The following GALNT16 variants were observed in gnomAD, a reference collection of about 807,000 sequenced individuals.
GALNT16 encodes UDP-GalNAc:polypeptide N-acetylgalactosaminyltransferase-like protein 1.
In GALNT16, 40 loss-of-function variants were observed where a neutral mutation model predicts 76.1. That is an observed-to-expected ratio of 0.53 (90% CI 0.41 to 0.68). GALNT16 has a LOEUF of 0.68. GALNT16 is among the 30% of genes least tolerant of loss of function. GALNT16 has a pLI of 0.00. For missense variants in GALNT16, 621 were observed against 731.9 expected (o/e 0.85, Z 1.75); for synonymous variants, 276 against 285.2 (o/e 0.97, Z 0.32).
At chr14:69,262,786 A>C (rs1330416343) in intron 1 of GALNT16, among the ~76,000 whole-genome samples, 1 of 152,082 alleles carries the variant, frequency 6.6e-6, no homozygotes, top group Non-Finnish European at 1.5e-5. Flanking sequence ...TATTTCTTCC[A>C]TGTGATTTGC....
In GALNT16 at chr14:69,352,922, C is replaced by T. The variant is rs368804510; in HGVS notation, c.*754C>T. On this transcript the variant is annotated 3_prime_UTR_variant, in exon 15 of 15. Transcript: ENST00000448469. ...CCGGTCCTGTGCCTGTGGGTGCCCA[C>T]ATTCTTAGCAAGAGGCTGCAGAGGG... Among the ~76,000 whole-genome samples the T allele has an allele frequency of 2.6e-5, 4 of 152,222 alleles. No individual in the cohort carries two copies. The East Asian group carries it at 7.7e-4, about 29-fold the overall frequency.
At chr14:69,359,058 C>G (rs1454324336), downstream of GALNT16, 1 of 152,308 alleles carries the variant, frequency 6.6e-6, no homozygotes, top group Non-Finnish European at 1.5e-5. Context: ...CTGAAAAGTA[C>G]CTCTCCAGCT....
intron 1 of GALNT16, among the ~76,000 whole-genome samples, chr14:69,280,330 G>A (rs1246403479): frequency 6.6e-6 from 1 of 152,162 alleles, no homozygotes; most frequent in African/African-American, 2.4e-5. Flanking sequence ...ATTCAGTGTG[G>A]TGTTCTCAGT....
At chr14:69,323,414 G>A (rs1033292820) in intron 2 of GALNT16, among the ~76,000 whole-genome samples, 1 of 152,182 alleles carries the variant, frequency 6.6e-6, no homozygotes, top group African/African-American at 2.4e-5. Flanking sequence ...ATGGGGTGTG[G>A]GTGGGTTTGC....
chr14:69,310,818 G>A (rs757464887), intron 1 of GALNT16, among the ~76,000 whole-genome samples: 6 of 152,190 alleles, frequency 3.9e-5, no homozygotes, highest in Non-Finnish European at 7.3e-5. Context: ...GGGAGGCTGA[G>A]GCAGGAGGAT....
chr14:69,338,410 T>G (rs2045440915), intron 9 of GALNT16, among the ~76,000 whole-genome samples: 1 of 152,250 alleles, frequency 6.6e-6, no homozygotes, highest in Non-Finnish European at 1.5e-5. Context: ...CCACTGCTCT[T>G]CCTGGAATGG....
Position 69,321,161 on chromosome 14 carries a change from G to A in GALNT16, c.335+293G>A, listed in dbSNP as rs182304868. Among the ~76,000 whole-genome samples, 177 of 152,336 alleles carry A rather than the reference G, an allele frequency of 1.2e-3. 1 individual carries two copies. The highest frequency in any genetic ancestry group is 2.4e-3 in the Admixed American group (37 of 15,312). Reference sequence around the variant, plus strand: ...GACCAAAGGAGGTCCGTGGCAGTGGGTGAGCCAGGCGCTCTTGGGGCCTTA... The same window carrying A: ...GACCAAAGGAGGTCCGTGGCAGTGGATGAGCCAGGCGCTCTTGGGGCCTTA... On this transcript the variant is annotated intron_variant, in intron 2 of 14. Transcript: ENST00000448469.
At chr14:69,342,215 A>G (rs563799317) in intron 12 of GALNT16, among the ~76,000 whole-genome samples, 2 of 152,098 alleles carry the variant, frequency 1.3e-5, no homozygotes, top group African/African-American at 4.8e-5. Context: ...TGGGAGGCCA[A>G]GGCAGGAGGA....
intron 1 of GALNT16, among the ~76,000 whole-genome samples, chr14:69,263,947 C>T (rs1233721164): frequency 2.6e-5 from 4 of 152,186 alleles, no homozygotes; most frequent in African/African-American, 9.7e-5. Flanking sequence ...CACTGATGCA[C>T]GCTGGGACAG....
At chr14:69,367,202 G>A in the GALNT16 span, among the ~76,000 whole-genome samples, 27 of 152,060 alleles carry the variant, frequency 1.8e-4, no homozygotes, top group African/African-American at 6.0e-4. Flanking sequence ...GGCCTTGGGC[G>A]GTAAGCTAAG....
chr14:69,306,554 T>G (rs1282595671), intron 1 of GALNT16, among the ~76,000 whole-genome samples: 3 of 152,240 alleles, frequency 2.0e-5, no homozygotes, highest in Non-Finnish European at 4.4e-5. Flanking sequence ...TTTACTCTTC[T>G]TCCTGCTGTT....
the GALNT16 span, among the ~76,000 whole-genome samples, chr14:69,363,086 G>C: frequency 6.6e-6 from 1 of 152,250 alleles, no homozygotes; most frequent in African/African-American, 2.4e-5. Context: ...GAGTGGTTCT[G>C]TTTGGGGTCT....
At chr14:69,356,391 T>G (rs1395143797), downstream of GALNT16, 1 of 152,100 alleles carries the variant, frequency 6.6e-6, no homozygotes, top group African/African-American at 2.4e-5. Context: ...TCCCAAATAT[T>G]CAGGAGGCTG....
intron 12 of GALNT16, among the ~76,000 whole-genome samples, chr14:69,342,474 A>AAGGGAGGAAGGC (rs1280297296): frequency 0.015 from 463 of 31,456 alleles, 4 homozygotes; most frequent in African/African-American, 0.018. Context: ...AGAAGGAAGG[A>AAGGGAGGAAGGC]AGGGAGGGAG....
At chr14:69,311,770 A>G (rs557354345) in intron 1 of GALNT16, among the ~76,000 whole-genome samples, 4 of 152,214 alleles carry the variant, frequency 2.6e-5, no homozygotes, top group Non-Finnish European at 5.9e-5. Flanking sequence ...AGGCTTGCTG[A>G]GTTCTAATGT....
At chr14:69,266,256 A>G (rs758155156) in intron 1 of GALNT16, among the ~76,000 whole-genome samples, 23 of 152,294 alleles carry the variant, frequency 1.5e-4, no homozygotes, top group Non-Finnish European at 2.9e-4. Context: ...ACAGAACAAA[A>G]TGTTGGCAGT....
chr14:69,311,592 T>C (rs2045021100), intron 1 of GALNT16, among the ~76,000 whole-genome samples: 1 of 152,238 alleles, frequency 6.6e-6, no homozygotes, highest in Non-Finnish European at 1.5e-5. Flanking sequence ...TTGGTGGACA[T>C]TATTGTGAGA....
intron 2 of GALNT16, among the ~76,000 whole-genome samples, chr14:69,321,243 G>A (rs548649735): frequency 6.6e-6 from 1 of 152,338 alleles, no homozygotes; most frequent in Non-Finnish European, 1.5e-5. Flanking sequence ...ACAGTGGGGT[G>A]CTGTGGCCCA....
chr14:69,351,950 C>A, intron 14 of GALNT16, 81 bp from the exon 15 acceptor site: 2 of 1,333,016 alleles, frequency 1.5e-6, no homozygotes, highest in Non-Finnish European at 2.1e-6. Flanking sequence ...TGTGTGCATA[C>A]ATGTGGAATG....
Sources: gnomAD v4.1 joint callset for allele counts (sites outside exome capture counted in the v4.1 genomes callset) on GRCh38, gnomAD v4.1.1 for gene constraint, MANE v1.5 for transcripts, NCBI Gene and HGNC (gene_info 2026-07-23, HGNC 2026-07-21) for gene names.